The following MIS18BP1 variants were observed in gnomAD, a reference collection of about 807,000 sequenced individuals.
MIS18BP1 encodes mis18-binding protein 1.
Under a neutral mutation model 116.1 loss-of-function variants are expected in MIS18BP1, and 72 were observed. The ratio of observed to expected loss-of-function variants is 0.62; its 90% CI spans 0.51 to 0.75. The LOEUF (loss-of-function observed/expected upper bound fraction) is 0.75, where lower values mean the gene tolerates loss of function less well. Among genes scored for constraint, MIS18BP1 ranks in the 30% least tolerant of loss-of-function variants. The probability of loss-of-function intolerance (pLI) is 0.00; values close to 1 mark genes in which losing one functional copy is unlikely to be tolerated. For synonymous variants in MIS18BP1, 386 were observed against 427.0 expected, an observed-to-expected ratio of 0.90 and a Z score of 1.18; for missense variants, 1,363 against 1,303.2, an observed-to-expected ratio of 1.05 and a Z score of -0.71.
intron 5 of MIS18BP1, among the ~76,000 whole-genome samples, chr14:45,236,899 C>A (rs568088945): frequency 3.3e-5 from 5 of 152,052 alleles, no homozygotes; most frequent in Non-Finnish European, 7.4e-5. Flanking sequence ...GCAATCTACA[C>A]TGCATCTTTA....
At chr14:45,207,259 A>G (rs1566800026) in intron 14 of MIS18BP1, among the ~76,000 whole-genome samples, 1 of 152,184 alleles carries the variant, frequency 6.6e-6, no homozygotes, top group Non-Finnish European at 1.5e-5. Context: ...CTTTATGACT[A>G]TTTGGGAACA....
intron 4 of MIS18BP1, among the ~76,000 whole-genome samples, chr14:45,240,156 G>A (rs1466853801): frequency 6.6e-6 from 1 of 151,868 alleles, no homozygotes; most frequent in Non-Finnish European, 1.5e-5. Flanking sequence ...TATGACACTG[G>A]AAATACAGCC....
chr14:45,228,948 T>C (rs1003511790), intron 8 of MIS18BP1, among the ~76,000 whole-genome samples: 9 of 152,192 alleles, frequency 5.9e-5, no homozygotes, highest in African/African-American at 2.2e-4. Flanking sequence ...TTTGTTTTTT[T>C]CATGCAAAGT....
At chr14:45,232,416 C>CAAAAAAAAAAAAAA (rs532665472) in intron 7 of MIS18BP1, 27 of 95,836 alleles carry the variant, frequency 2.8e-4, no homozygotes, top group East Asian at 4.9e-4. Flanking sequence ...GATTCCATCT[C>CAAAAAAAAAAAAAA]AAAAAAAAAA....
Position 45,204,102 on chromosome 14 carries a change from C to T in MIS18BP1, c.*7G>A. The T allele has an allele frequency of 6.2e-7, 1 of 1,606,010 alleles. No individual in the cohort carries two copies. Among genetic ancestry groups the T allele is most frequent in the Non-Finnish European group, 8.5e-7 (1 of 1,177,564 alleles). ...AAAAATCCCAGGAATCATATTTTCT[C>T]ATTTTACTATGCAGAATCAGAGTTC... is the stretch of plus-strand genomic sequence containing the variant. On this transcript the variant is annotated 3_prime_UTR_variant, in exon 17 of 17. Transcript: ENST00000310806.
intron 5 of MIS18BP1, among the ~76,000 whole-genome samples, chr14:45,236,798 T>C (rs2139221004): frequency 6.6e-6 from 1 of 152,292 alleles, no homozygotes; most frequent in African/African-American, 2.4e-5. Flanking sequence ...TTATCCATAT[T>C]GCACAAATGA....
chr14:45,239,259 G>A (rs1240606494), intron 4 of MIS18BP1, among the ~76,000 whole-genome samples: 1 of 152,120 alleles, frequency 6.6e-6, no homozygotes, highest in African/African-American at 2.4e-5. Flanking sequence ...TAGGGTTGGG[G>A]GTGGAGGCAA....
At chr14:45,219,857 AAAT>A (rs1037986752) in intron 11 of MIS18BP1, among the ~76,000 whole-genome samples, 2 of 152,228 alleles carry the variant, frequency 1.3e-5, no homozygotes, top group African/African-American at 2.4e-5. Flanking sequence ...TACATAACAC[AAAT>A]AATAATGTAT....
At chr14:45,219,501 T>C (rs536692692) in intron 11 of MIS18BP1, among the ~76,000 whole-genome samples, 22 of 152,306 alleles carry the variant, frequency 1.4e-4, no homozygotes, top group African/African-American at 5.1e-4. Flanking sequence ...AGCATATATA[T>C]ATAATAAAAT....
At chr14:45,206,390 G>A (rs1890518800) in intron 14 of MIS18BP1, 1 of 417,086 alleles carries the variant, frequency 2.4e-6, no homozygotes. Flanking sequence ...GGGCTCAAGT[G>A]ATCCTCCCAA....
In MIS18BP1 at chr14:45,226,845, CAA is replaced by C; in HGVS notation, c.1747-11_1747-10del. 7.4e-7 allele frequency: 1 copy of C among 1,343,614 alleles called. No homozygotes were observed. The highest frequency in any genetic ancestry group is 9.8e-7 in the Non-Finnish European group (1 of 1,021,600). The allele number at this position is 1,343,614 out of a possible 1,614,324, so 83.2% of individuals were successfully genotyped here. A position where few individuals can be genotyped will look rare whatever the true frequency, so the allele number is the denominator to read the frequency against. ...TTTTTTCCAATTAATTCCTTCAAAA[CAA>C]AAAGATACCTAGGTTTTATTTTAAA... On this transcript the variant is annotated splice_polypyrimidine_tract_variant and intron_variant, in intron 9 of 16. Coordinates refer to ENST00000310806, the MANE Select transcript of MIS18BP1 (RefSeq NM_018353.5).
intron 8 of MIS18BP1, among the ~76,000 whole-genome samples, chr14:45,229,258 C>A (rs531564352): frequency 2.8e-4 from 42 of 152,158 alleles, no homozygotes; most frequent in Non-Finnish European, 3.1e-4. Flanking sequence ...ATAATCCCAG[C>A]ACTTTGGGAG....
At chr14:45,241,085 C>T (rs1385762594) in intron 4 of MIS18BP1, among the ~76,000 whole-genome samples, 1 of 152,092 alleles carries the variant, frequency 6.6e-6, no homozygotes, top group Non-Finnish European at 1.5e-5. Context: ...GCCTGGGCAA[C>T]AGAGTAAGGC....
intron 3 of MIS18BP1, 81 bp downstream of exon 3, chr14:45,242,680 C>G: frequency 1.4e-6 from 2 of 1,453,214 alleles, no homozygotes; most frequent in Non-Finnish European, 1.9e-6. Flanking sequence ...AAGTTTAATG[C>G]CCACACAAGG....
intron 7 of MIS18BP1, 115 bp from the exon 8 acceptor site, chr14:45,231,413 G>C (rs1891276341): frequency 1.1e-6 from 1 of 888,400 alleles, no homozygotes; most frequent in South Asian, 2.0e-5. Flanking sequence ...CACCCAGGCA[G>C]GGTATCTTTA....
intron 2 of MIS18BP1, among the ~76,000 whole-genome samples, chr14:45,245,080 T>C (rs146491159): frequency 7.5e-4 from 115 of 152,350 alleles, no homozygotes; most frequent in African/African-American, 2.6e-3. Context: ...GAGCTGTCTA[T>C]GTTCACTATT....
intron 11 of MIS18BP1, among the ~76,000 whole-genome samples, chr14:45,218,768 G>C (rs543848725): frequency 1.3e-5 from 2 of 151,266 alleles, no homozygotes; most frequent in Non-Finnish European, 2.9e-5. Flanking sequence ...TCGATGATAC[G>C]GTTTTTTAGG....
At chr14:45,209,690 G>C (rs915936450) in intron 14 of MIS18BP1, among the ~76,000 whole-genome samples, 1 of 152,012 alleles carries the variant, frequency 6.6e-6, no homozygotes, top group Non-Finnish European at 1.5e-5. Flanking sequence ...GATTTTTGAG[G>C]TACTGCCATT....
At chr14:45,230,004 A>C (rs1386493862) in intron 8 of MIS18BP1, among the ~76,000 whole-genome samples, 2 of 150,810 alleles carry the variant, frequency 1.3e-5, no homozygotes, top group Non-Finnish European at 3.0e-5. Flanking sequence ...AGAAAGGATA[A>C]GCAAAGTTTC....
Sources: allele counts gnomAD v4.1 joint callset (sites outside exome capture counted in the v4.1 genomes callset), GRCh38; gene constraint gnomAD v4.1.1; transcripts MANE v1.5; gene names NCBI Gene and HGNC (gene_info 2026-07-23, HGNC 2026-07-21).